CCDC192: variants seen among roughly 807,000 people sequenced by gnomAD.
CCDC192 encodes the protein coiled-coil domain containing 192.
intron 6 of CCDC192, among the ~76,000 whole-genome samples, chr5:127,901,150 T>G (rs1261834596): frequency 2.6e-5 from 4 of 152,200 alleles, no homozygotes; most frequent in Admixed American, 6.5e-5. Flanking sequence ...CTACTTACAG[T>G]AAACAAAAAA....
In CCDC192 at chr5:127,856,481, T is replaced by G. The variant is rs1751103637; in HGVS notation, c.412-19057T>G. Among the ~76,000 whole-genome samples the G allele has an allele frequency of 1.3e-5, 2 of 152,246 alleles. 1 individual carries two copies. The highest frequency in any genetic ancestry group is 4.1e-4 in the South Asian group (2 of 4,834). On this transcript the variant is annotated intron_variant, in intron 5 of 6. Coordinates refer to ENST00000514853, the MANE Select transcript of CCDC192 (RefSeq NM_001317938.2). The stretch of plus-strand genomic sequence containing the variant: ...TTTGCTTTTTTATTCATGTGTTCAC[T>G]GGAGTAGCACTTTCAGTTTCCTTCA...
chr5:127,722,377 T>C (rs1396545147), intron 2 of CCDC192, among the ~76,000 whole-genome samples: 1 of 152,092 alleles, frequency 6.6e-6, no homozygotes, highest in Non-Finnish European at 1.5e-5. Flanking sequence ...GTCAGATGGG[T>C]AGTTTGCAAA....
chr5:127,785,227 C>A, intron 3 of CCDC192: 1 of 520,644 alleles, frequency 1.9e-6, no homozygotes, highest in Non-Finnish European at 3.9e-6. Context: ...ACTGTGACAG[C>A]TGGCATAGAA....
intron 5 of CCDC192, among the ~76,000 whole-genome samples, chr5:127,872,007 G>C (rs761307315): frequency 6.6e-6 from 1 of 152,172 alleles, no homozygotes; most frequent in South Asian, 2.1e-4. Flanking sequence ...GCTAGTGAAC[G>C]CCAAACAGCA....
intron 5 of CCDC192, among the ~76,000 whole-genome samples, chr5:127,845,928 TTG>T (rs921254984): frequency 1.3e-5 from 2 of 152,272 alleles, no homozygotes; most frequent in African/African-American, 4.8e-5. Context: ...AGCCAGCACT[TTG>T]TCTTTCCTGC....
intron 6 of CCDC192, among the ~76,000 whole-genome samples, chr5:127,924,929 A>G (rs528239171): frequency 1.3e-5 from 2 of 152,168 alleles, no homozygotes; most frequent in East Asian, 3.9e-4. Flanking sequence ...ACAGAGGAGG[A>G]AGCTATGGAA....
chr5:127,723,102 T>C (rs763866718), intron 2 of CCDC192, among the ~76,000 whole-genome samples: 4 of 152,300 alleles, frequency 2.6e-5, no homozygotes, highest in South Asian at 2.1e-4. Context: ...GAATGTTGTT[T>C]CCTTTTTTTG....
At chr5:127,738,657 C>A (rs976051867) in intron 2 of CCDC192, among the ~76,000 whole-genome samples, 2 of 151,506 alleles carry the variant, frequency 1.3e-5, no homozygotes, top group Non-Finnish European at 2.9e-5. Flanking sequence ...TCTAAACTTC[C>A]CTTCTCGCTT....
intron 6 of CCDC192, among the ~76,000 whole-genome samples, chr5:127,879,060 T>C (rs1343728935): frequency 6.6e-6 from 1 of 151,490 alleles, no homozygotes; most frequent in Non-Finnish European, 1.5e-5. Flanking sequence ...TGATTTTGTA[T>C]CCTGAGACTT....
chr5:127,742,071 C>T (rs556161295), intron 2 of CCDC192, among the ~76,000 whole-genome samples: 79 of 152,312 alleles, frequency 5.2e-4, no homozygotes, highest in African/African-American at 1.4e-3. Context: ...ATATTAACTA[C>T]GTCTGCCTTG....
In CCDC192 at chr5:127,888,092, T is replaced by C. The variant is rs150697864; in HGVS notation, c.535+12431T>C. ...TTAATTTTCAATTTTTAATACCTTA[T>C]ATATGTATTGTGATCGTATTGTTAG... On this transcript the variant is annotated intron_variant, in intron 6 of 6. Coordinates refer to ENST00000514853, the MANE Select transcript of CCDC192 (RefSeq NM_001317938.2). 5.5e-4 allele frequency among the ~76,000 whole-genome samples: 84 copies of C among 152,180 alleles called. 1 individual carries two copies. In the East Asian group the frequency reaches 0.016, roughly 28 times the overall value.
intron 5 of CCDC192, among the ~76,000 whole-genome samples, chr5:127,801,028 C>T (rs559102550): frequency 1.3e-5 from 2 of 152,180 alleles, no homozygotes; most frequent in South Asian, 4.2e-4. Flanking sequence ...CCATCAAGCC[C>T]TATTGAGAGA....
chr5:127,782,526 C>A (rs1217730629), intron 3 of CCDC192, among the ~76,000 whole-genome samples: 1 of 151,770 alleles, frequency 6.6e-6, no homozygotes, highest in Non-Finnish European at 1.5e-5. Context: ...GTATCTAATT[C>A]TTCCTGATTT....
intron 6 of CCDC192, among the ~76,000 whole-genome samples, chr5:127,900,619 AT>A (rs1488609276): frequency 6.6e-6 from 1 of 152,168 alleles, no homozygotes; most frequent in African/African-American, 2.4e-5. Flanking sequence ...AGCACAAATG[AT>A]TTTTTTATTC....
intron 6 of CCDC192, among the ~76,000 whole-genome samples, chr5:127,931,220 C>A (rs952882782): frequency 1.3e-5 from 2 of 152,106 alleles, no homozygotes; most frequent in African/African-American, 4.8e-5. Flanking sequence ...CCACCCCTAC[C>A]CATAGGAAGG....
intron 5 of CCDC192, among the ~76,000 whole-genome samples, chr5:127,866,720 AC>A (rs1391317124): frequency 6.6e-6 from 1 of 152,116 alleles, no homozygotes; most frequent in Admixed American, 6.5e-5. Flanking sequence ...TTTGCTTTTA[AC>A]ACGGAAAACA....
At chr5:127,930,017 G>C (rs147363267) in intron 6 of CCDC192, among the ~76,000 whole-genome samples, 1 of 152,108 alleles carries the variant, frequency 6.6e-6, no homozygotes. Flanking sequence ...CAGCCTGACT[G>C]ACATGATAAA....
intron 5 of CCDC192, among the ~76,000 whole-genome samples, chr5:127,823,291 C>T (rs1749380869): frequency 6.6e-6 from 1 of 152,210 alleles, no homozygotes; most frequent in Non-Finnish European, 1.5e-5. Flanking sequence ...CTGTTTACAA[C>T]TCGCCTCTTT....
chr5:127,937,478 C>T (rs1429150404), intron 6 of CCDC192, among the ~76,000 whole-genome samples: 1 of 152,172 alleles, frequency 6.6e-6, no homozygotes, highest in Non-Finnish European at 1.5e-5. Flanking sequence ...AGGTTTTGGT[C>T]TCTCTCTTTC....
Sources: gnomAD v4.1 joint callset for allele counts (sites outside exome capture counted in the v4.1 genomes callset) on GRCh38, gnomAD v4.1.1 for gene constraint, MANE v1.5 for transcripts, NCBI Gene and HGNC (gene_info 2026-07-23, HGNC 2026-07-21) for gene names.